Variants in MAN1C1 observed in about 807,000 individuals in gnomAD.
MAN1C1 encodes the protein mannosyl-oligosaccharide 1,2-alpha-mannosidase IC.
MAN1C1 carries 49 observed loss-of-function variants against 71.5 expected under a neutral mutation model. The ratio of observed to expected loss-of-function variants is 0.69; its 90% CI spans 0.54 to 0.87. The LOEUF (loss-of-function observed/expected upper bound fraction) is 0.87, where lower values mean the gene tolerates loss of function less well. Among genes scored for constraint, MAN1C1 ranks in the 40% least tolerant of loss-of-function variants. The pLI is 0.00. For synonymous variants in MAN1C1, 352 were observed against 343.7 expected (o/e 1.02, Z -0.27); for missense variants, 743 against 835.0 (o/e 0.89, Z 1.36).
At chr1:25,771,524 G>A (rs970035818) in intron 7 of MAN1C1, 133 bp from the exon 8 acceptor site, 140 of 657,080 alleles carry the variant, frequency 2.1e-4, no homozygotes, top group Middle Eastern at 4.2e-4. Context: ...CAGGTTCGGT[G>A]GCTGCTGGCG....
At chr1:25,771,619 A>G (rs777487732) in intron 7 of MAN1C1, 38 bp from the exon 8 acceptor site, 1 of 1,513,164 alleles carries the variant, frequency 6.6e-7, no homozygotes, top group East Asian at 2.3e-5. Context: ...AGCCGGCGGC[A>G]GATGGAGATA....
intron 1 of MAN1C1, among the ~76,000 whole-genome samples, chr1:25,653,850 A>T (rs940194075): frequency 1.3e-5 from 2 of 152,142 alleles, no homozygotes; most frequent in African/African-American, 4.8e-5. Flanking sequence ...TCCAGTTCTC[A>T]ACTGGGCTAG....
intron 2 of MAN1C1, among the ~76,000 whole-genome samples, chr1:25,699,697 A>G (rs975603366): frequency 2.6e-5 from 4 of 152,168 alleles, no homozygotes; most frequent in Admixed American, 1.3e-4. Flanking sequence ...TTGGGCCACT[A>G]CTGGGTGTGT....
At chr1:25,685,778 A>C (rs2046221310) in intron 1 of MAN1C1, among the ~76,000 whole-genome samples, 1 of 152,238 alleles carries the variant, frequency 6.6e-6, no homozygotes, top group African/African-American at 2.4e-5. Context: ...TTCTAGCCTC[A>C]AGGAGTTTAT....
intron 2 of MAN1C1, among the ~76,000 whole-genome samples, chr1:25,721,219 T>C (rs1156414985): frequency 1.3e-5 from 2 of 152,192 alleles, no homozygotes; most frequent in East Asian, 3.8e-4. Context: ...ACTCCTAGCT[T>C]CAAGCAATCC....
intron 1 of MAN1C1, among the ~76,000 whole-genome samples, chr1:25,647,168 C>T (rs1308453552): frequency 1.3e-5 from 2 of 152,204 alleles, no homozygotes; most frequent in African/African-American, 4.8e-5. Context: ...AGGGAGGGCA[C>T]GTGGGGCCTG....
At chr1:25,774,028 G>A (rs937819103) in intron 8 of MAN1C1, among the ~76,000 whole-genome samples, 4 of 152,078 alleles carry the variant, frequency 2.6e-5, no homozygotes, top group Admixed American at 2.6e-4. Flanking sequence ...TCAGGGTTGG[G>A]AACCACCCAC....
In MAN1C1 at chr1:25,686,528, A is replaced by G. The variant is rs1448231547; in HGVS notation, c.629A>G (p.Asn210Ser). 2 of 1,614,074 alleles carry G rather than the reference A, an allele frequency of 1.2e-6. No homozygotes were observed. Among genetic ancestry groups the G allele is most frequent in the East Asian group, 4.5e-5 (2 of 44,870 alleles). Residue 210 changes from asparagine to serine, a missense_variant, in exon 2 of 12, where the codon AAC (asparagine) becomes AGC (serine). Coordinates refer to ENST00000374332, the MANE Select transcript of MAN1C1 (RefSeq NM_020379.4). ...CTAACAAAAGATGGCTACGAGGGTA[A>G]CATGTTCGGTGAGTCGATTCAAACC... The part of the protein sequence containing the change: ...RPLTKDGYEG[N>S]MFGGLSGATV...
In MAN1C1 at chr1:25,686,509, A is replaced by C. The variant is rs779866713; in HGVS notation, c.610A>C (p.Lys204Gln). The C allele has an allele frequency of 1.2e-6, 2 of 1,614,198 alleles. No homozygotes were observed. Among genetic ancestry groups the C allele is most frequent in the Admixed American group, 3.3e-5 (2 of 60,024 alleles). The change falls in exon 2 of 12, where the codon AAA becomes CAA. Residue 204 changes from lysine (K) to glutamine (Q), a missense_variant. By Grantham distance (53) the Lys-to-Gln change is moderately conservative (BLOSUM62 1). Transcript: ENST00000374332. ...GAAAAACGAACTCCGTCCACTAACA[A>C]AAGATGGCTACGAGGGTAACATGTT... ...MGKNELRPLT[K>Q]DGYEGNMFGG...
intron 2 of MAN1C1, among the ~76,000 whole-genome samples, chr1:25,694,159 G>T (rs1354061116): frequency 6.6e-6 from 1 of 152,144 alleles, no homozygotes; most frequent in East Asian, 1.9e-4. Flanking sequence ...TAAGGGCTGG[G>T]TCTTGCTGTG....
chr1:25,638,822 T>C (rs78433549), intron 1 of MAN1C1, among the ~76,000 whole-genome samples: 215 of 152,272 alleles, frequency 1.4e-3, no homozygotes, highest in African/African-American at 5.0e-3. Context: ...TTTTCAGCAA[T>C]TTGACTATTG....
chr1:25,619,586 C>T (rs2045174215), intron 1 of MAN1C1, among the ~76,000 whole-genome samples: 1 of 152,156 alleles, frequency 6.6e-6, no homozygotes, highest in South Asian at 2.1e-4. Context: ...AATCACAGGA[C>T]ATTTTGTGAA....
chr1:25,763,778 A>G (rs980510895), intron 6 of MAN1C1, 96 bp from the exon 7 acceptor site: 27 of 936,754 alleles, frequency 2.9e-5, no homozygotes, highest in Non-Finnish European at 4.4e-5. Flanking sequence ...GGTTTCCTCC[A>G]TGCATCTGAA....
chr1:25,618,120 G>A lies in MAN1C1; in HGVS notation c.323G>A (p.Gly108Glu). The change falls in exon 1 of 12, where the codon GGG (glycine) becomes GAG (glutamate). Residue 108 changes from glycine to glutamate, a missense_variant. Gly to Glu is a moderately conservative substitution (Grantham distance 98). Coordinates refer to ENST00000374332, the MANE Select transcript of MAN1C1 (RefSeq NM_020379.4). ...GCCAGTCCCCGCCGCAGGAAAGGGG[G>A]GCTGCGGCGCACCCGCCCCACTGGA... ...SWASPRRRKG[G>E]LRRTRPTGPR... 6.6e-7 allele frequency: 1 copy of A among 1,515,356 alleles called. No homozygotes were observed. The allele number at this position is 1,515,356 out of a possible 1,614,324, so 93.9% of individuals were successfully genotyped here.
At chr1:25,635,778 C>G (rs12402012) in intron 1 of MAN1C1, among the ~76,000 whole-genome samples, 25,436 of 152,016 alleles carry the variant, frequency 0.17, 5,297 homozygotes, top group African/African-American at 0.48. Context: ...TGTGAGATCT[C>G]TGGTGGTATT....
In MAN1C1 at chr1:25,771,900, C is replaced by A. The variant is rs1432968974; in HGVS notation, c.1257+128C>A. On this transcript the variant is annotated intron_variant, in intron 8 of 11. Coordinates refer to ENST00000374332, the MANE Select transcript of MAN1C1 (RefSeq NM_020379.4). The stretch of plus-strand genomic sequence containing the variant: ...ACTTGCTCCCACCCCCTGCAATGAA[C>A]CGGTGAGAAGATTGACAGGACAGTC... 4 of 685,622 alleles carry A rather than the reference C, an allele frequency of 5.8e-6. No homozygotes were observed. The Admixed American group carries it at 7.1e-5, about 12-fold the overall frequency. The allele number at this position is 685,622 out of a possible 1,614,324, so 42.5% of individuals were successfully genotyped here.
At chr1:25,765,902 C>T (rs1009552962) in intron 7 of MAN1C1, among the ~76,000 whole-genome samples, 1 of 152,080 alleles carries the variant, frequency 6.6e-6, no homozygotes, top group Non-Finnish European at 1.5e-5. Context: ...AACACACTGC[C>T]GAATCCAAAA....
intron 2 of MAN1C1, among the ~76,000 whole-genome samples, chr1:25,704,440 T>G (rs1481240087): frequency 1.3e-5 from 2 of 152,068 alleles, no homozygotes; most frequent in Non-Finnish European, 2.9e-5. Flanking sequence ...TGGCTCCCAA[T>G]GTGGAGATAA....
chr1:25,768,333 C>T, intron 7 of MAN1C1, among the ~76,000 whole-genome samples: 1 of 134,808 alleles, frequency 7.4e-6, no homozygotes. Flanking sequence ...ATCCACACTC[C>T]CCTCACACAC....
Sources: gnomAD v4.1 joint callset for allele counts (sites outside exome capture counted in the v4.1 genomes callset) on GRCh38, gnomAD v4.1.1 for gene constraint, MANE v1.5 for transcripts, NCBI Gene and HGNC (gene_info 2026-07-23, HGNC 2026-07-21) for gene names.